Variants in ADAMTSL1 observed in about 807,000 individuals in gnomAD.
The protein encoded by ADAMTSL1 is ADAMTS like 1, also known as ADAMTS-like protein 1.
In ADAMTSL1, 126 loss-of-function variants were observed where a neutral mutation model predicts 201.8. The observed-to-expected ratio is 0.62, with a 90% CI of 0.54 to 0.72. The LOEUF is 0.72. Ranked by LOEUF, ADAMTSL1 falls within the 30% of genes least tolerant of loss-of-function variation. The pLI, the probability that ADAMTSL1 is intolerant of heterozygous loss-of-function variation, is 0.00. For missense variants in ADAMTSL1, 2,679 were observed against 2,277.8 expected (o/e 1.18, Z -3.59); for synonymous variants, 1,121 against 903.4 (o/e 1.24, Z -4.32).
intron 3 of ADAMTSL1, among the ~76,000 whole-genome samples, chr9:18,569,349 T>C (rs1822148927): frequency 6.6e-6 from 1 of 152,192 alleles, no homozygotes; most frequent in Non-Finnish European, 1.5e-5. Flanking sequence ...AATTGAGTGC[T>C]TAAAACTCGG....
intron 20 of ADAMTSL1, among the ~76,000 whole-genome samples, chr9:18,815,373 A>C (rs1343504131): frequency 6.7e-6 from 1 of 150,314 alleles, no homozygotes. Context: ...ATACTTTTCC[A>C]CCATTAAAAA....
At chr9:18,272,208 A>G (rs139887068) in intron 2 of ADAMTSL1, among the ~76,000 whole-genome samples, 1,674 of 152,256 alleles carry the variant, frequency 0.011, 29 homozygotes, top group African/African-American at 0.039. Context: ...TTCAAGCTAT[A>G]CTACAAGGCT....
At chr9:17,958,637 T>C (rs1828020646) in intron 1 of ADAMTSL1, among the ~76,000 whole-genome samples, 1 of 152,194 alleles carries the variant, frequency 6.6e-6, no homozygotes, top group African/African-American at 2.4e-5. Context: ...GTGCTTTGTG[T>C]ATGACACATA....
chr9:18,230,663 C>G (rs530472238), intron 2 of ADAMTSL1, among the ~76,000 whole-genome samples: 2 of 152,054 alleles, frequency 1.3e-5, no homozygotes, highest in Admixed American at 6.5e-5. Flanking sequence ...ATATGCATAT[C>G]AAATGTTATC....
intron 15 of ADAMTSL1, among the ~76,000 whole-genome samples, chr9:18,742,937 C>G (rs1430980157): frequency 6.6e-6 from 1 of 152,118 alleles, no homozygotes; most frequent in Non-Finnish European, 1.5e-5. Context: ...GAGAACAACC[C>G]TGGAACTATT....
chr9:18,649,304 A>C (rs1436904262), intron 7 of ADAMTSL1, among the ~76,000 whole-genome samples: 1 of 151,722 alleles, frequency 6.6e-6, no homozygotes, highest in South Asian at 2.1e-4. Context: ...TTTTTTTCAA[A>C]GTTTTCAACT....
intron 2 of ADAMTSL1, among the ~76,000 whole-genome samples, chr9:18,391,925 C>A (rs963571023): frequency 3.4e-5 from 5 of 148,362 alleles, no homozygotes; most frequent in Admixed American, 1.4e-4. Context: ...CCTGGGTTCA[C>A]GCCATTCTCC....
intron 2 of ADAMTSL1, among the ~76,000 whole-genome samples, chr9:18,180,553 AAAT>A (rs1828417275): frequency 1.4e-5 from 2 of 147,002 alleles, no homozygotes; most frequent in Non-Finnish European, 3.0e-5. Flanking sequence ...AAAAAAAAAA[AAAT>A]ACCTAAGAAT....
chr9:18,231,279 C>G (rs529848308), intron 2 of ADAMTSL1, among the ~76,000 whole-genome samples: 1 of 152,270 alleles, frequency 6.6e-6, no homozygotes, highest in East Asian at 1.9e-4. Context: ...CTCTCTAAAT[C>G]TCATTCACAT....
intron 2 of ADAMTSL1, among the ~76,000 whole-genome samples, chr9:18,233,114 A>T (rs1402477696): frequency 6.6e-6 from 1 of 152,184 alleles, no homozygotes. Flanking sequence ...AGACTCCAGA[A>T]ACTATGTATG....
chr9:18,351,190 G>C (rs1436618971), intron 2 of ADAMTSL1, among the ~76,000 whole-genome samples: 1 of 151,436 alleles, frequency 6.6e-6, no homozygotes, highest in Non-Finnish European at 1.5e-5. Flanking sequence ...ATCTGGCAGG[G>C]GAAGATTTAA....
At chr9:18,084,466 G>A (rs1247621638) in intron 1 of ADAMTSL1, among the ~76,000 whole-genome samples, 1 of 151,404 alleles carries the variant, frequency 6.6e-6, no homozygotes, top group African/African-American at 2.4e-5. Context: ...AGGTTGCAGT[G>A]AGCCGAGATG....
chr9:18,062,432 T>G (rs994925692), intron 1 of ADAMTSL1, among the ~76,000 whole-genome samples: 1 of 152,178 alleles, frequency 6.6e-6, no homozygotes, highest in Non-Finnish European at 1.5e-5. Flanking sequence ...TATAATATTT[T>G]AAGTAGAATA....
At chr9:18,430,547 C>T (rs571217767) in intron 2 of ADAMTSL1, among the ~76,000 whole-genome samples, 1 of 152,248 alleles carries the variant, frequency 6.6e-6, no homozygotes, top group Non-Finnish European at 1.5e-5. Context: ...GCTTTAGACA[C>T]ATATTTTGTG....
chr9:18,113,779 TA>T (rs1301852679), intron 1 of ADAMTSL1, among the ~76,000 whole-genome samples: 25 of 152,124 alleles, frequency 1.6e-4, no homozygotes, highest in Non-Finnish European at 2.9e-5. Flanking sequence ...TAAAATTAAG[TA>T]TATTGATATT....
intron 5 of ADAMTSL1, among the ~76,000 whole-genome samples, chr9:18,626,402 G>T (rs1005236753): frequency 6.6e-5 from 10 of 152,166 alleles, no homozygotes; most frequent in African/African-American, 2.4e-4. Flanking sequence ...GTGAAAAGGG[G>T]TCACCATGCA....
In ADAMTSL1 at chr9:18,689,545, A is replaced by T. The variant is rs79962390; in HGVS notation, c.1574+4745A>T. The stretch of plus-strand genomic sequence containing the variant: ...TAAAAAAAAGGAAAAAGAAAAAAGA[A>T]AAAAAGGTATAGTCTGGATGCTTTA... On this transcript the variant is annotated intron_variant, in intron 13 of 28. Coordinates refer to ENST00000380548, the MANE Select transcript of ADAMTSL1 (RefSeq NM_001040272.6). Among the ~76,000 whole-genome samples, 460 of 152,292 alleles carry T rather than the reference A, an allele frequency of 3.0e-3. 3 individuals are homozygous for T. Among genetic ancestry groups the T allele is most frequent in the African/African-American group, 0.011 (442 of 41,548 alleles).
intron 1 of ADAMTSL1, among the ~76,000 whole-genome samples, chr9:18,494,515 A>G (rs1193028565): frequency 6.6e-6 from 1 of 152,194 alleles, no homozygotes; most frequent in Non-Finnish European, 1.5e-5. Flanking sequence ...GAATCTAGGC[A>G]CTATCAAGAT....
chr9:18,736,539 C>A (rs539571958), intron 15 of ADAMTSL1, among the ~76,000 whole-genome samples: 1 of 152,082 alleles, frequency 6.6e-6, no homozygotes, highest in African/African-American at 2.4e-5. Context: ...CTCCCTTGAT[C>A]TAGAAAAGAA....
Sources: allele counts gnomAD v4.1 joint callset (sites outside exome capture counted in the v4.1 genomes callset), GRCh38; gene constraint gnomAD v4.1.1; transcripts MANE v1.5; gene names NCBI Gene and HGNC (gene_info 2026-07-23, HGNC 2026-07-21).